UNC5C: variants seen among roughly 807,000 people sequenced by gnomAD.
UNC5C encodes the protein netrin receptor UNC5C.
A neutral mutation model predicts 99.8 loss-of-function variants in UNC5C; 47 were observed. That is an observed-to-expected ratio of 0.47 (90% CI 0.37 to 0.60). The LOEUF (loss-of-function observed/expected upper bound fraction) is 0.60. UNC5C is among the 20% of genes least tolerant of loss of function. UNC5C has a pLI of 0.00. For synonymous variants in UNC5C, 487 were observed against 452.2 expected, an observed-to-expected ratio of 1.08 and a Z score of -0.98; for missense variants, 1,062 against 1,165.9, an observed-to-expected ratio of 0.91 and a Z score of 1.30.
At chr4:95,271,999 A>C (rs1159843272) in intron 4 of UNC5C, among the ~76,000 whole-genome samples, 1 of 152,156 alleles carries the variant, frequency 6.6e-6, no homozygotes, top group Admixed American at 6.5e-5. Flanking sequence ...TCTTACTCAG[A>C]TCTTTTCAAG....
At chr4:95,412,182 CAG>C (rs1250478012) in intron 1 of UNC5C, among the ~76,000 whole-genome samples, 1 of 152,094 alleles carries the variant, frequency 6.6e-6, no homozygotes, top group Admixed American at 6.6e-5. Flanking sequence ...TGTAATTCTC[CAG>C]AGTGTGCTGC....
intron 14 of UNC5C, among the ~76,000 whole-genome samples, chr4:95,178,377 C>T (rs1274184560): frequency 2.0e-5 from 3 of 152,242 alleles, no homozygotes; most frequent in Non-Finnish European, 4.4e-5. Flanking sequence ...TCCTCGGTGC[C>T]TCCCAGCTCT....
chr4:95,439,277 G>A (rs554922639), intron 1 of UNC5C, among the ~76,000 whole-genome samples: 4 of 152,064 alleles, frequency 2.6e-5, no homozygotes, highest in Non-Finnish European at 5.9e-5. Context: ...TTATAAGCAC[G>A]GCTGGCGTGG....
chr4:95,266,112 A>G (rs1740438534), intron 4 of UNC5C, among the ~76,000 whole-genome samples: 1 of 152,218 alleles, frequency 6.6e-6, no homozygotes, highest in Non-Finnish European at 1.5e-5. Flanking sequence ...CCAAAAAAAC[A>G]CCTGAAAGAA....
chr4:95,522,625 A>G (rs1365460969), intron 1 of UNC5C, among the ~76,000 whole-genome samples: 1 of 152,248 alleles, frequency 6.6e-6, no homozygotes, highest in Non-Finnish European at 1.5e-5. Flanking sequence ...TTAGTCTTTA[A>G]AAGTTCAGAG....
intron 1 of UNC5C, among the ~76,000 whole-genome samples, chr4:95,353,924 T>G (rs1430134753): frequency 1.3e-5 from 2 of 152,156 alleles, no homozygotes; most frequent in African/African-American, 4.8e-5. Flanking sequence ...TGAAATGATT[T>G]GTTAATAATA....
At chr4:95,285,606 T>A (rs2149397220) in intron 3 of UNC5C, among the ~76,000 whole-genome samples, 1 of 152,354 alleles carries the variant, frequency 6.6e-6, no homozygotes, top group East Asian at 1.9e-4. Context: ...TAGTATCTAA[T>A]ATTCCTTATT....
chr4:95,172,521 C>G (rs937072498), intron 14 of UNC5C, among the ~76,000 whole-genome samples: 3 of 151,984 alleles, frequency 2.0e-5, no homozygotes, highest in Admixed American at 1.3e-4. Context: ...GCTTGTTTTT[C>G]TCAGGTTAGT....
At chr4:95,531,597 T>A (rs960751560) in intron 1 of UNC5C, among the ~76,000 whole-genome samples, 1 of 152,244 alleles carries the variant, frequency 6.6e-6, no homozygotes, top group African/African-American at 2.4e-5. Context: ...ACTGTACTAT[T>A]TCCTTGTCAA....
intron 1 of UNC5C, among the ~76,000 whole-genome samples, chr4:95,490,932 C>T (rs1050152134): frequency 1.3e-5 from 2 of 151,374 alleles, no homozygotes; most frequent in Admixed American, 6.6e-5. Flanking sequence ...CTATATAGTT[C>T]CTGTTTTCTG....
chr4:95,519,655 C>A (rs1021499614), intron 1 of UNC5C, among the ~76,000 whole-genome samples: 1 of 152,126 alleles, frequency 6.6e-6, no homozygotes, highest in Non-Finnish European at 1.5e-5. Flanking sequence ...CAAACAGTTT[C>A]TTTTGTCAAT....
intron 1 of UNC5C, among the ~76,000 whole-genome samples, chr4:95,410,637 G>C (rs1745956448): frequency 6.6e-6 from 1 of 152,122 alleles, no homozygotes; most frequent in Non-Finnish European, 1.5e-5. Context: ...AGAGTGTTAG[G>C]GGATGCAGCG....
intron 3 of UNC5C, among the ~76,000 whole-genome samples, chr4:95,281,713 G>C (rs1469242361): frequency 2.0e-5 from 3 of 152,220 alleles, no homozygotes; most frequent in Non-Finnish European, 4.4e-5. Context: ...ATAGTATCAA[G>C]ATGGGCAGGG....
At chr4:95,419,745 A>C (rs1312955720) in intron 1 of UNC5C, among the ~76,000 whole-genome samples, 1 of 152,112 alleles carries the variant, frequency 6.6e-6, no homozygotes, top group Non-Finnish European at 1.5e-5. Context: ...CAAGGAATCC[A>C]TTTATAGACT....
chr4:95,399,361 G>C (rs1171940524), intron 1 of UNC5C, among the ~76,000 whole-genome samples: 1 of 152,146 alleles, frequency 6.6e-6, no homozygotes, highest in African/African-American at 2.4e-5. Flanking sequence ...CTACATACAA[G>C]AGGCAAGAAC....
chr4:95,311,671 C>A (rs1742282377), intron 2 of UNC5C, among the ~76,000 whole-genome samples: 1 of 152,164 alleles, frequency 6.6e-6, no homozygotes, highest in African/African-American at 2.4e-5. Context: ...TCCAGTCATT[C>A]ATTCAATAGA....
intron 3 of UNC5C, among the ~76,000 whole-genome samples, chr4:95,293,606 A>G (rs2149401045): frequency 6.6e-6 from 1 of 152,204 alleles, no homozygotes; most frequent in East Asian, 1.9e-4. Flanking sequence ...AACGTAAGAC[A>G]TTGCACCAGT....
intron 1 of UNC5C, among the ~76,000 whole-genome samples, chr4:95,445,760 T>C (rs1368377837): frequency 6.6e-6 from 1 of 151,902 alleles, no homozygotes; most frequent in Non-Finnish European, 1.5e-5. Flanking sequence ...GTGAGAGAAA[T>C]GTAGATCGAG....
chr4:95,288,282 A>C (rs1741314500), intron 3 of UNC5C, among the ~76,000 whole-genome samples: 1 of 152,060 alleles, frequency 6.6e-6, no homozygotes, highest in Non-Finnish European at 1.5e-5. Context: ...ACGGGGTTTC[A>C]CCGTGCCAGC....
Sources: gnomAD v4.1 joint callset for allele counts (sites outside exome capture counted in the v4.1 genomes callset) on GRCh38, gnomAD v4.1.1 for gene constraint, MANE v1.5 for transcripts, NCBI Gene and HGNC (gene_info 2026-07-23, HGNC 2026-07-21) for gene names.